The following NEDD9 variants were observed in gnomAD, a reference collection of about 807,000 sequenced individuals.
NEDD9 encodes the protein neural precursor cell expressed, developmentally down-regulated 9.
A neutral mutation model predicts 76.6 loss-of-function variants in NEDD9; 26 were observed. That is an observed-to-expected ratio of 0.34 (90% CI 0.25 to 0.47). The LOEUF is 0.47. Ranked by LOEUF, NEDD9 falls within the 20% of genes least tolerant of loss-of-function variation. NEDD9 has a pLI of 1.00. For missense variants in NEDD9, 937 were observed against 1,058.5 expected (o/e 0.89, Z 1.59); for synonymous variants, 392 against 414.2 (o/e 0.95, Z 0.65).
chr6:11,193,456 T>C (rs1440592495), intron 3 of NEDD9, 135 bp downstream of exon 3: 5 of 525,700 alleles, frequency 9.5e-6, no homozygotes, highest in African/African-American at 7.7e-5. Flanking sequence ...AAGTGGCTAC[T>C]GGGTAGACAA....
At chr6:11,232,891 C>A (rs538856372), upstream of NEDD9, among the ~76,000 whole-genome samples, 3 of 152,016 alleles carry the variant, frequency 2.0e-5, no homozygotes, top group East Asian at 5.8e-4. Flanking sequence ...CCTCCCGCCC[C>A]CGCCAAAAAA....
chr6:11,313,081 G>T (rs182826868), intron 2 of NEDD9, among the ~76,000 whole-genome samples: 1 of 152,106 alleles, frequency 6.6e-6, no homozygotes, highest in East Asian at 1.9e-4. Context: ...TGGATAGATG[G>T]ATTAGTGGGT....
rs145351487 is a variant in NEDD9, at chr6:11,287,650, T to C, written c.12+18342A>G. ...TTCATCCATTCTCCTCTACGTACTT[T>C]TCCTACACATTCCTACTTAATGGTC... On this transcript the variant is annotated intron_variant, in intron 3 of 3. Coordinates refer to the NEDD9 transcript ENST00000397378. Among the ~76,000 whole-genome samples, 7 of 152,302 alleles carry C rather than the reference T, an allele frequency of 4.6e-5. No homozygotes were observed. In the East Asian group the frequency reaches 1.3e-3, roughly 29 times the overall value.
In NEDD9 at chr6:11,326,221, A is replaced by C. The variant is rs2113486333; in HGVS notation, c.-153+8280T>G. Among the ~76,000 whole-genome samples, 3 of 152,162 alleles carry C rather than the reference A, an allele frequency of 2.0e-5. No individual in the cohort carries two copies. In the South Asian group the frequency reaches 6.2e-4, roughly 32 times the overall value. ...CCCAAGTCCGCTGGACTTTGTTATC[A>C]GAAGGTCTTATGAGCCGGGTATTTA... is the stretch of plus-strand genomic sequence containing the variant. On this transcript the variant is annotated intron_variant, in intron 2 of 3. Transcript: ENST00000397378.
Position 11,193,653 on chromosome 6 carries a change from C to T in NEDD9, c.499G>A (p.Glu167Lys), listed in dbSNP as rs748033858. The change falls in exon 3 of 7, where the codon GAG (glutamate) becomes AAG (lysine). Residue 167 changes from glutamate (E) to lysine (K), a missense_variant. Transcript: ENST00000379446. ...PVRTGHGYVYEYPSRYQKDVY... is the reference protein window; with the variant it reads ...PVRTGHGYVYKYPSRYQKDVY... ...TCCTTTTGGTATCTGGATGGGTACT[C>T]GTATACGTAGCCATGGCCTGTCCTC... 22 of 1,613,784 alleles carry T rather than the reference C, an allele frequency of 1.4e-5. No individual in the cohort carries two copies. The highest frequency in any genetic ancestry group is 5.3e-5 in the African/African-American group (4 of 74,880).
At chr6:11,284,397 A>G (rs1017512754) in intron 3 of NEDD9, among the ~76,000 whole-genome samples, 1 of 133,172 alleles carries the variant, frequency 7.5e-6, no homozygotes, top group Non-Finnish European at 1.7e-5. Context: ...CTACTAAAAA[A>G]AAAAAAAAAA....
rs954549979 is a variant in NEDD9, at chr6:11,237,890, G to C, written c.13-24163C>G. On this transcript the variant is annotated intron_variant, in intron 3 of 3. Coordinates refer to the NEDD9 transcript ENST00000397378. This position sits in a 1 kb window ranked among gnomAD's most constrained non-coding sequence, Gnocchi z 4.9. ...TGGAAGCTGAGTGAGTGCTAGACCA[G>C]AGGAACAAGCCCAGTCCTAAAAAGG... is the stretch of plus-strand genomic sequence containing the variant. 6.6e-6 allele frequency among the ~76,000 whole-genome samples: 1 copy of C among 152,176 alleles called. No homozygotes were observed. Among genetic ancestry groups the C allele is most frequent in the Non-Finnish European group, 1.5e-5 (1 of 68,038 alleles).
At chr6:11,200,320 G>GA (rs1193453012) in intron 2 of NEDD9, 11 of 468,102 alleles carry the variant, frequency 2.3e-5, no homozygotes, top group Admixed American at 2.1e-4. Context: ...TCAAAGCATG[G>GA]AATCAGATGT....
chr6:11,218,003 C>A (rs1759006994), intron 1 of NEDD9, among the ~76,000 whole-genome samples: 1 of 152,204 alleles, frequency 6.6e-6, no homozygotes, highest in Admixed American at 6.5e-5. Flanking sequence ...CTAAAGTGAT[C>A]ATGTTCCAAA....
rs1582033012 is a variant in NEDD9 at position 11,329,549 on chromosome 6, T to G, written c.-153+4952A>C. 2.0e-5 allele frequency among the ~76,000 whole-genome samples: 3 copies of G among 152,328 alleles called. No individual in the cohort carries two copies. The East Asian group carries it at 5.8e-4, about 29-fold the overall frequency. The stretch of plus-strand genomic sequence containing the variant: ...TCTTTCTTGGCTATAAATGTTACTC[T>G]GAAATTCTTCTCAACTGTAATGTTT... On this transcript the variant is annotated intron_variant, in intron 2 of 3. Coordinates refer to the NEDD9 transcript ENST00000397378.
At chr6:11,380,802 T>A (rs1763048659) in intron 1 of NEDD9, among the ~76,000 whole-genome samples, 1 of 147,366 alleles carries the variant, frequency 6.8e-6, no homozygotes. Flanking sequence ...GTCATCGTCT[T>A]CTTCTTCTTC....
intron 3 of NEDD9, among the ~76,000 whole-genome samples, chr6:11,256,107 G>T (rs935265645): frequency 2.6e-5 from 4 of 152,142 alleles, no homozygotes; most frequent in Admixed American, 1.3e-4. Context: ...TAGGGCATGG[G>T]GCATCATAAC....
At chr6:11,238,102 T>C (rs1220750539) in intron 3 of NEDD9, among the ~76,000 whole-genome samples, 2 of 152,170 alleles carry the variant, frequency 1.3e-5, no homozygotes, top group Admixed American at 1.3e-4. Flanking sequence ...TGACTCTTGG[T>C]TCATTCAGCC....
chr6:11,318,779 GTC>G lies in NEDD9; in HGVS notation c.-152-12626_-152-12625del, dbSNP rs200782500. 3.8e-3 allele frequency among the ~76,000 whole-genome samples: 581 copies of G among 152,196 alleles called. 6 individuals are homozygous for G. The East Asian group carries it at 0.046, about 12-fold the overall frequency. ...CTGTAGGCCAGCCCTGAAATGTATG[GTC>G]TTTCTGGACATTCATTGGAGAGAAG... On this transcript the variant is annotated intron_variant, in intron 2 of 3. Transcript: ENST00000397378.
At chr6:11,218,339 C>A (rs894835644) in intron 1 of NEDD9, among the ~76,000 whole-genome samples, 5 of 136,250 alleles carry the variant, frequency 3.7e-5, no homozygotes, top group African/African-American at 1.3e-4. Flanking sequence ...TTCAGGTCTT[C>A]AGCAACTTTT....
intron 2 of NEDD9, among the ~76,000 whole-genome samples, chr6:11,206,880 T>G (rs1308307335): frequency 6.6e-6 from 1 of 152,226 alleles, no homozygotes; most frequent in Non-Finnish European, 1.5e-5. Context: ...CAGTTTTGTG[T>G]AATATTAAAA....
intron 2 of NEDD9, among the ~76,000 whole-genome samples, chr6:11,307,366 C>T (rs1472892553): frequency 6.6e-6 from 1 of 152,134 alleles, no homozygotes; most frequent in Non-Finnish European, 1.5e-5. Flanking sequence ...TCCTCTGAGG[C>T]ACTTGCAGTG....
chr6:11,377,482 A>G (rs1388880321), intron 1 of NEDD9, among the ~76,000 whole-genome samples: 1 of 152,210 alleles, frequency 6.6e-6, no homozygotes, highest in Non-Finnish European at 1.5e-5. Flanking sequence ...TTAAGATTTA[A>G]TGACTACCCT....
intron 3 of NEDD9, among the ~76,000 whole-genome samples, chr6:11,240,167 T>C (rs1170359387): frequency 6.6e-6 from 1 of 152,078 alleles, no homozygotes; most frequent in Non-Finnish European, 1.5e-5. Context: ...CCTAACTCAT[T>C]TCGCTCTCAA....
Sources: allele counts gnomAD v4.1 joint callset (sites outside exome capture counted in the v4.1 genomes callset), GRCh38; gene constraint gnomAD v4.1.1; non-coding constraint Gnocchi (gnomAD v3.1); transcripts MANE v1.5; gene names NCBI Gene and HGNC (gene_info 2026-07-23, HGNC 2026-07-21).